The following RHBDD3 variants were observed in gnomAD, a reference collection of about 807,000 sequenced individuals.
RHBDD3 encodes rhomboid domain containing 3.
RHBDD3 carries 34 observed loss-of-function variants against 32.3 expected under a neutral mutation model. The observed-to-expected ratio is 1.05, with a 90% CI of 0.80 to 1.40. RHBDD3 has a LOEUF of 1.40. Among genes scored for constraint, RHBDD3 ranks in the 40% most tolerant of loss-of-function variants. The probability of loss-of-function intolerance (pLI) is 0.00; values close to 1 mark genes in which losing one functional copy is unlikely to be tolerated. For synonymous variants in RHBDD3, 249 were observed against 239.1 expected (o/e 1.04, Z -0.38); for missense variants, 482 against 492.6 (o/e 0.98, Z 0.20).
Position 29,267,966 on chromosome 22 carries a change from A to C in RHBDD3, c.-413T>G. On this transcript the variant is annotated 5_prime_UTR_variant, in exon 1 of 7. Transcript: ENST00000216085. ...GTCCCTTCCCCCAGCCCTCCCGCCG[A>C]TCTCCGTCTCCCTGCAGGGCCGACT... is the stretch of plus-strand genomic sequence containing the variant. The C allele has an allele frequency of 9.2e-6, 3 of 327,166 alleles. No individual in the cohort carries two copies. Among genetic ancestry groups the C allele is most frequent in the African/African-American group, 2.0e-5 (1 of 49,194 alleles). The allele number at this position is 327,166 out of a possible 1,614,324, so 20.3% of individuals were successfully genotyped here.
At chr22:29,263,317 A>G (rs1428737010) in intron 4 of RHBDD3, among the ~76,000 whole-genome samples, 2 of 152,154 alleles carry the variant, frequency 1.3e-5, no homozygotes, top group Non-Finnish European at 2.9e-5. Flanking sequence ...TGTTGGGATT[A>G]CAGGCATGAG....
At chr22:29,264,400 A>G (rs1169915543) in intron 3 of RHBDD3, 182 bp from the exon 4 acceptor site, 17 of 1,419,962 alleles carry the variant, frequency 1.2e-5, no homozygotes, top group Admixed American at 3.1e-5. Flanking sequence ...AAGGACTTCC[A>G]AACACTGTGG....
At position 29,260,350 on chromosome 22, in the gene RHBDD3, G is replaced by C; in HGVS notation, c.959C>G (p.Ser320Cys). The C allele has an allele frequency of 6.2e-7, 1 of 1,610,570 alleles. No individual in the cohort carries two copies. The highest frequency in any genetic ancestry group is 8.5e-7 in the Non-Finnish European group (1 of 1,178,356). The part of the protein sequence containing the change: ...AQEPQSAPWL[S>C]KSSVSSLRLQ... ...CCGCAGAGAGGAGACAGAGGACTTG[G>C]ACAGCCATGGTGCGCTCTGGGGTTC... Residue 320 changes from serine (S) to cysteine (C), a missense_variant, in exon 6 of 7, where the codon TCC (serine) becomes TGC (cysteine). Ser to Cys is a moderately radical substitution (Grantham distance 112). Coordinates refer to ENST00000216085, the MANE Select transcript of RHBDD3 (RefSeq NM_012265.3).
intron 2 of RHBDD3, 138 bp from the exon 3 acceptor site, chr22:29,265,806 G>T (rs1368979618): frequency 9.9e-6 from 8 of 809,072 alleles, no homozygotes; most frequent in Non-Finnish European, 1.4e-5. Flanking sequence ...CTTGGCCTTA[G>T]TGGAGCTCAG....
chr22:29,268,086 C>T (rs968131565), upstream of RHBDD3: 8 of 592,532 alleles, frequency 1.4e-5, no homozygotes, highest in Admixed American at 2.0e-4. Flanking sequence ...GAGACCCGCT[C>T]ACCCCCGCTC....
chr22:29,264,329 C>T (rs1204025197), intron 3 of RHBDD3, 111 bp from the exon 4 acceptor site: 4 of 1,430,142 alleles, frequency 2.8e-6, no homozygotes, highest in African/African-American at 1.4e-5. Context: ...GCTGAGCCCA[C>T]CTCCCCTCCC....
intron 4 of RHBDD3, chr22:29,261,464 C>T (rs2058119367): frequency 2.5e-6 from 1 of 406,126 alleles, no homozygotes; most frequent in Admixed American, 2.6e-5. Flanking sequence ...CGTGGCAGTG[C>T]ACACCTGTAA....
chr22:29,261,321 G>A (rs1348252098), intron 4 of RHBDD3: 5 of 472,104 alleles, frequency 1.1e-5, no homozygotes, highest in African/African-American at 2.0e-5. Context: ...AGGGCTGGAC[G>A]CAGTGGCTCA....
chr22:29,265,665 T>C lies in RHBDD3; in HGVS notation c.-39A>G, dbSNP rs772374771. ...ACGGTCAAGGGTGGTCCTGGGGCTG[T>C]GTGCTGGGGATAAAAGAAAACAATA... On this transcript the variant is annotated 5_prime_UTR_variant, in exon 3 of 7. Coordinates refer to ENST00000216085, the MANE Select transcript of RHBDD3 (RefSeq NM_012265.3). 2 of 1,543,884 alleles carry C rather than the reference T, an allele frequency of 1.3e-6. No homozygotes were observed. Among genetic ancestry groups the C allele is most frequent in the Admixed American group, 4.7e-5 (2 of 42,462 alleles).
At chr22:29,262,463 A>G (rs1488277334) in intron 4 of RHBDD3, among the ~76,000 whole-genome samples, 1 of 152,168 alleles carries the variant, frequency 6.6e-6, no homozygotes, top group Non-Finnish European at 1.5e-5. Context: ...AAGTTTTGAA[A>G]TTGAAAAGTG....
rs764601698 is a variant in RHBDD3, at chr22:29,260,537, G to T, written c.772C>A (p.Pro258Thr). Residue 258 changes from proline to threonine, a missense_variant, in exon 6 of 7, where the codon CCA (proline) becomes ACA (threonine). Transcript: ENST00000216085. ...GTGGGCTGCACAGGCCTCAGGCTTGGTGGGGGCAGGGCTGAGTCTTCCCAG... is the reference window on the plus strand; with the variant it reads ...GTGGGCTGCACAGGCCTCAGGCTTGTTGGGGGCAGGGCTGAGTCTTCCCAG... ...SHWEDSALPP[P>T]SLRPVQPTWE... 1.3e-6 allele frequency: 2 copies of T among 1,598,084 alleles called. No individual in the cohort carries two copies. Among genetic ancestry groups the T allele is most frequent in the South Asian group, 1.1e-5 (1 of 88,654 alleles).
intron 4 of RHBDD3, 131 bp from the exon 5 acceptor site, chr22:29,260,995 C>T: frequency 1.1e-6 from 1 of 901,564 alleles, no homozygotes; most frequent in Non-Finnish European, 1.6e-6. Context: ...TGTGGACCAG[C>T]ATGGAATAGC....
chr22:29,260,344 G>A lies in RHBDD3; in HGVS notation c.965C>T (p.Ser322Phe), dbSNP rs2058096832. The A allele has an allele frequency of 1.2e-6, 2 of 1,610,102 alleles. No individual in the cohort carries two copies. Among genetic ancestry groups the A allele is most frequent in the Admixed American group, 1.7e-5 (1 of 59,832 alleles). Residue 322 changes from serine to phenylalanine, a missense_variant, in exon 6 of 7, where the codon TCC (serine) becomes TTC (phenylalanine). Ser to Phe is a radical substitution (Grantham distance 155). Transcript: ENST00000216085. ...ACCTTACCGCAGAGAGGAGACAGAG[G>A]ACTTGGACAGCCATGGTGCGCTCTG... ...EPQSAPWLSK[S>F]SVSSLRLQQL...
intron 4 of RHBDD3, chr22:29,261,103 G>A: frequency 1.7e-6 from 1 of 599,658 alleles, no homozygotes; most frequent in Non-Finnish European, 3.0e-6. Context: ...CAAGGCCTGG[G>A]CTCACCCGTG....
intron 4 of RHBDD3, among the ~76,000 whole-genome samples, chr22:29,263,391 C>A (rs1051533751): frequency 1.3e-5 from 2 of 152,180 alleles, no homozygotes; most frequent in African/African-American, 4.8e-5. Flanking sequence ...GTTGGCCAGG[C>A]TGGTCTTGAA....
intron 3 of RHBDD3, 32 bp from the exon 4 acceptor site, chr22:29,264,250 T>C (rs779881785): frequency 6.7e-7 from 1 of 1,495,300 alleles, no homozygotes; most frequent in Non-Finnish European, 8.9e-7. Flanking sequence ...TGTGCCAGGT[T>C]AGTGGCCCCA....
chr22:29,264,248 G>T (rs756001620), intron 3 of RHBDD3, 30 bp from the exon 4 acceptor site: 3 of 1,497,092 alleles, frequency 2.0e-6, no homozygotes, highest in Admixed American at 2.3e-5. Context: ...TATGTGCCAG[G>T]TTAGTGGCCC....
chr22:29,266,604 A>C (rs2058191883), intron 2 of RHBDD3, among the ~76,000 whole-genome samples: 1 of 151,984 alleles, frequency 6.6e-6, no homozygotes, highest in Non-Finnish European at 1.5e-5. Flanking sequence ...TGGCCCTCAA[A>C]CATGGCCTTT....
intron 4 of RHBDD3, among the ~76,000 whole-genome samples, chr22:29,263,285 C>T (rs561948725): frequency 6.6e-6 from 1 of 152,204 alleles, no homozygotes; most frequent in South Asian, 2.1e-4. Flanking sequence ...CCTCGTGATC[C>T]GCCCACCTTG....
Sources: gnomAD v4.1 joint callset for allele counts (sites outside exome capture counted in the v4.1 genomes callset) on GRCh38, gnomAD v4.1.1 for gene constraint, MANE v1.5 for transcripts, NCBI Gene and HGNC (gene_info 2026-07-23, HGNC 2026-07-21) for gene names.